KIAA0825: variants seen among roughly 807,000 people sequenced by gnomAD.
KIAA0825 encodes the protein KIAA0825.
KIAA0825 carries 119 observed loss-of-function variants against 147.6 expected under a neutral mutation model. That is an observed-to-expected ratio of 0.81 (90% CI 0.69 to 0.94). The LOEUF (loss-of-function observed/expected upper bound fraction) is 0.94. Among genes scored for constraint, KIAA0825 ranks in the 40% least tolerant of loss-of-function variants. KIAA0825 has a pLI of 0.00. For missense variants in KIAA0825, 1,381 were observed against 1,472.7 expected, an observed-to-expected ratio of 0.94 and a Z score of 1.02; for synonymous variants, 470 against 518.1, an observed-to-expected ratio of 0.91 and a Z score of 1.26.
intron 12 of KIAA0825, among the ~76,000 whole-genome samples, chr5:94,454,107 C>G (rs1758778115): frequency 6.6e-6 from 1 of 152,108 alleles, no homozygotes; most frequent in South Asian, 2.1e-4. Context: ...AACTCTAAAT[C>G]TTGACACAAT....
At chr5:94,207,966 A>G (rs778873221) in intron 20 of KIAA0825, among the ~76,000 whole-genome samples, 3 of 152,216 alleles carry the variant, frequency 2.0e-5, no homozygotes, top group Non-Finnish European at 4.4e-5. Flanking sequence ...AGAGCTATCA[A>G]ATATTTTAGG....
intron 10 of KIAA0825, among the ~76,000 whole-genome samples, chr5:94,466,474 C>T (rs540613789): frequency 2.0e-5 from 3 of 152,108 alleles, no homozygotes; most frequent in South Asian, 4.2e-4. Flanking sequence ...AATCCCAGCA[C>T]GTTAGGAGGC....
Position 94,396,080 on chromosome 5 carries a change from AAG to A in KIAA0825, c.3296+19_3296+20del. The A allele has an allele frequency of 7.1e-7, 1 of 1,413,002 alleles. No homozygotes were observed. Among genetic ancestry groups the A allele is most frequent in the African/African-American group, 1.5e-5 (1 of 68,912 alleles). 87.5% of individuals were successfully genotyped at this position (1,413,002 alleles called of 1,614,324 possible). A position where few individuals can be genotyped will look rare whatever the true frequency, so the allele number is the denominator to read the frequency against. ...GTGAAAGCATTTGATGAAATCCAAT[AAG>A]AGAAAAACATCACTTTACCATTCAG... On this transcript the variant is annotated intron_variant, in intron 17 of 20. Transcript: ENST00000682413.
chr5:94,213,343 A>T (rs1347383585), intron 20 of KIAA0825, among the ~76,000 whole-genome samples: 1 of 152,166 alleles, frequency 6.6e-6, no homozygotes, highest in African/African-American at 2.4e-5. Context: ...TCTCTTGGTA[A>T]TATAAGTTAG....
intron 5 of KIAA0825, among the ~76,000 whole-genome samples, chr5:94,504,059 C>T (rs1765411092): frequency 6.6e-6 from 1 of 152,202 alleles, no homozygotes; most frequent in Non-Finnish European, 1.5e-5. Flanking sequence ...CTTAAAATTG[C>T]TCTACTTCCA....
At chr5:94,235,051 C>T (rs1335577385) in intron 20 of KIAA0825, among the ~76,000 whole-genome samples, 2 of 151,790 alleles carry the variant, frequency 1.3e-5, no homozygotes, top group Admixed American at 6.6e-5. Context: ...TTGAAATAGG[C>T]CCATTAATAA....
chr5:94,169,765 GTAA>G (rs1182045608), intron 20 of KIAA0825, among the ~76,000 whole-genome samples: 1 of 152,180 alleles, frequency 6.6e-6, no homozygotes, highest in Non-Finnish European at 1.5e-5. Context: ...TTTGGAGCAT[GTAA>G]TAATATCAGT....
intron 5 of KIAA0825, among the ~76,000 whole-genome samples, chr5:94,485,272 T>C (rs1762916189): frequency 6.6e-6 from 1 of 151,682 alleles, no homozygotes; most frequent in Admixed American, 6.6e-5. Context: ...CAAGGAAATA[T>C]TACACAAACC....
At chr5:94,547,456 T>C (rs1174944466) in intron 2 of KIAA0825, among the ~76,000 whole-genome samples, 1 of 152,076 alleles carries the variant, frequency 6.6e-6, no homozygotes, top group African/African-American at 2.4e-5. Flanking sequence ...AAAAGAATCC[T>C]GCTGGGCGCA....
chr5:94,464,890 C>A lies in KIAA0825; in HGVS notation c.2042G>T (p.Arg681Leu). Residue 681 changes from arginine to leucine, a missense_variant, in exon 11 of 21, where the codon CGT (arginine) becomes CTT (leucine). By Grantham distance (102) the Arg-to-Leu change is moderately radical (BLOSUM62 -2). Coordinates refer to ENST00000682413, the MANE Select transcript of KIAA0825 (RefSeq NM_001145678.3). ...ASRYARAHPS[R>L]KRTPQLRLDV... Reference sequence around the variant, plus strand: ...TTACCTTAACTGTGGAGTTCTTTTACGGCTGGGGTGGGCCCGAGCGTATCT... The same window carrying A: ...TTACCTTAACTGTGGAGTTCTTTTAAGGCTGGGGTGGGCCCGAGCGTATCT... 1.9e-6 allele frequency: 3 copies of A among 1,550,876 alleles called. No individual in the cohort carries two copies. The highest frequency in any genetic ancestry group is 1.2e-5 in the South Asian group (1 of 83,998).
intron 5 of KIAA0825, among the ~76,000 whole-genome samples, chr5:94,494,174 C>A (rs531272825): frequency 6.6e-6 from 1 of 152,286 alleles, no homozygotes; most frequent in Admixed American, 6.5e-5. Flanking sequence ...CCTAAACTTA[C>A]TGCTCAATGA....
chr5:94,331,783 CAATT>C (rs1167487514), intron 20 of KIAA0825, among the ~76,000 whole-genome samples: 40 of 152,118 alleles, frequency 2.6e-4, no homozygotes, highest in Admixed American at 2.4e-3. Context: ...AAGATCCTAT[CAATT>C]GATGCAGAAA....
At chr5:94,188,118 TCTCCCCAGAACCTGGCC>T (rs1770318364) in intron 20 of KIAA0825, among the ~76,000 whole-genome samples, 1 of 152,118 alleles carries the variant, frequency 6.6e-6, no homozygotes, top group African/African-American at 2.4e-5. Context: ...AGAAGAGGAC[TCTCCCCAGAACCTGGCC>T]AGGCTAGCAC....
chr5:94,337,926 G>A (rs1314141511), intron 20 of KIAA0825, among the ~76,000 whole-genome samples: 1 of 152,200 alleles, frequency 6.6e-6, no homozygotes, highest in East Asian at 1.9e-4. Flanking sequence ...TAGGACCTGG[G>A]TAGACAGAAG....
intron 2 of KIAA0825, among the ~76,000 whole-genome samples, chr5:94,540,936 T>C (rs2151372960): frequency 6.6e-6 from 1 of 152,324 alleles, no homozygotes; most frequent in Admixed American, 6.5e-5. Flanking sequence ...AAAGAAATTT[T>C]ATGTAAGAAA....
intron 2 of KIAA0825, among the ~76,000 whole-genome samples, chr5:94,553,198 G>T (rs560932993): frequency 8.5e-5 from 13 of 152,144 alleles, no homozygotes; most frequent in Non-Finnish European, 1.6e-4. Context: ...CAGTACTTTG[G>T]GAGGCGGAGG....
intron 20 of KIAA0825, among the ~76,000 whole-genome samples, chr5:94,161,844 A>G (rs889505209): frequency 6.6e-6 from 1 of 152,244 alleles, no homozygotes; most frequent in Non-Finnish European, 1.5e-5. Context: ...GACAAATGCA[A>G]AAACAAACAC....
rs1248265573 is a variant in KIAA0825 at position 94,153,968 on chromosome 5, ATTG to A, written c.*36_*38del. 2 of 1,381,182 alleles carry A rather than the reference ATTG, an allele frequency of 1.4e-6. No homozygotes were observed. Among genetic ancestry groups the A allele is most frequent in the Admixed American group, 3.9e-5 (2 of 50,668 alleles). 85.6% of individuals were successfully genotyped at this position (1,381,182 alleles called of 1,614,324 possible). ...AAAAAATCCTACTCCATTACATGGG[ATTG>A]TTTCCTAAAATAAAGCTGTTGCTGT... is the stretch of plus-strand genomic sequence containing the variant. On this transcript the variant is annotated 3_prime_UTR_variant, in exon 21 of 21. Transcript: ENST00000682413.
intron 5 of KIAA0825, among the ~76,000 whole-genome samples, chr5:94,487,408 T>A (rs1316013921): frequency 1.3e-5 from 2 of 152,216 alleles, no homozygotes; most frequent in African/African-American, 4.8e-5. Context: ...AATTCTGTGA[T>A]AAATTCATTT....
Sources: allele counts gnomAD v4.1 joint callset (sites outside exome capture counted in the v4.1 genomes callset), GRCh38; gene constraint gnomAD v4.1.1; transcripts MANE v1.5; gene names NCBI Gene and HGNC (gene_info 2026-07-23, HGNC 2026-07-21).